The following ZNF407 variants were observed in gnomAD, a reference collection of about 807,000 sequenced individuals.
ZNF407 encodes zinc finger protein 407.
In ZNF407, 17 loss-of-function variants were observed where a neutral mutation model predicts 131.2. The observed-to-expected ratio is 0.13, with a 90% CI of 0.09 to 0.19. The LOEUF is 0.19. Ranked by LOEUF, ZNF407 falls within the 10% of genes least tolerant of loss-of-function variation. The pLI, the probability that ZNF407 is intolerant of heterozygous loss-of-function variation, is 1.00. For missense variants in ZNF407, 2,681 were observed against 2,830.6 expected (o/e 0.95, Z 1.20); for synonymous variants, 1,156 against 1,062.0 (o/e 1.09, Z -1.72).
chr18:74,685,578 T>G (rs1011056332), intron 3 of ZNF407, among the ~76,000 whole-genome samples: 1 of 152,206 alleles, frequency 6.6e-6, no homozygotes, highest in South Asian at 2.1e-4. Flanking sequence ...AGGCCCTCCA[T>G]GACCTGATGC....
chr18:75,034,293 G>T (rs1226708335), intron 8 of ZNF407, among the ~76,000 whole-genome samples: 1 of 141,092 alleles, frequency 7.1e-6, no homozygotes, highest in African/African-American at 2.6e-5. Flanking sequence ...TCTTTTCTCT[G>T]TGTTGGGTTT....
chr18:74,638,021 C>G (rs761962096), intron 2 of ZNF407, among the ~76,000 whole-genome samples: 1 of 152,228 alleles, frequency 6.6e-6, no homozygotes, highest in Admixed American at 6.5e-5. Flanking sequence ...TTTCATTTCT[C>G]CCGCATTGGT....
chr18:74,786,874 C>T (rs537509238), intron 4 of ZNF407, among the ~76,000 whole-genome samples: 3 of 119,582 alleles, frequency 2.5e-5, no homozygotes, highest in African/African-American at 6.3e-5. Context: ...GGTGTGATCT[C>T]GGCTCACTGT....
At chr18:74,892,144 A>G (rs1464544594) in intron 7 of ZNF407, among the ~76,000 whole-genome samples, 1 of 152,166 alleles carries the variant, frequency 6.6e-6, no homozygotes, top group Non-Finnish European at 1.5e-5. Context: ...AAATAGCACA[A>G]GACTGTTTTG....
intron 8 of ZNF407, among the ~76,000 whole-genome samples, chr18:74,926,910 C>T (rs922052977): frequency 6.6e-5 from 10 of 152,190 alleles, no homozygotes; most frequent in Admixed American, 3.3e-4. Context: ...CTGCCTAACA[C>T]CGTGGAGCAG....
chr18:74,990,230 A>G (rs767921978), intron 8 of ZNF407, among the ~76,000 whole-genome samples: 6 of 152,210 alleles, frequency 3.9e-5, no homozygotes, highest in Non-Finnish European at 5.9e-5. Flanking sequence ...GCAGATGTCA[A>G]TTAGTTCCTT....
At chr18:74,799,342 A>G (rs1215580237) in intron 4 of ZNF407, among the ~76,000 whole-genome samples, 2 of 152,134 alleles carry the variant, frequency 1.3e-5, no homozygotes, top group African/African-American at 4.8e-5. Context: ...GGGCATAGGA[A>G]AACCTTCCAT....
rs75440254 is a variant in ZNF407 at position 75,051,619 on chromosome 18, G to C, written c.5429-11531G>C. On this transcript the variant is annotated intron_variant, in intron 8 of 8. Transcript: ENST00000299687. ...TCAGGGTTCTAGAGAAGAGAGAATT[G>C]ATATGCAATGGAATCTCTGAACCTT... Among the ~76,000 whole-genome samples the C allele has an allele frequency of 8.3e-3, 1,258 of 152,302 alleles. 65 individuals are homozygous for C. The East Asian group carries it at 0.13, about 16-fold the overall frequency.
At chr18:74,666,218 G>C (rs1172280843) in intron 3 of ZNF407, among the ~76,000 whole-genome samples, 1 of 152,172 alleles carries the variant, frequency 6.6e-6, no homozygotes, top group Non-Finnish European at 1.5e-5. Context: ...GCTACCATCA[G>C]CTTGCAGATT....
intron 8 of ZNF407, among the ~76,000 whole-genome samples, chr18:74,992,492 C>T (rs1246594543): frequency 2.0e-5 from 3 of 152,158 alleles, no homozygotes; most frequent in East Asian, 1.9e-4. Flanking sequence ...GCAAAGTGAA[C>T]TGAAACATCA....
At chr18:74,903,277 G>A (rs1971553424) in intron 7 of ZNF407, among the ~76,000 whole-genome samples, 1 of 152,092 alleles carries the variant, frequency 6.6e-6, no homozygotes, top group Non-Finnish European at 1.5e-5. Context: ...AATTTGAAAA[G>A]CTTTCAACTA....
intron 3 of ZNF407, among the ~76,000 whole-genome samples, chr18:74,729,784 A>G (rs1968250213): frequency 6.6e-6 from 1 of 152,172 alleles, no homozygotes; most frequent in African/African-American, 2.4e-5. Flanking sequence ...AGGGGAATGG[A>G]AAAATATTTT....
In ZNF407 at chr18:74,617,099, A is replaced by G. The variant is rs1983341710; in HGVS notation, c.-53-13868A>G. ...CACACATCCATATCCATGCACCAACACATCCATATCCACACACCACACACA... is the reference window on the plus strand; with the variant it reads ...CACACATCCATATCCATGCACCAACGCATCCATATCCACACACCACACACA... On this transcript the variant is annotated intron_variant, in intron 1 of 8. Coordinates refer to ENST00000299687, the MANE Select transcript of ZNF407 (RefSeq NM_017757.3). Among the ~76,000 whole-genome samples, 10 of 138,038 alleles carry G rather than the reference A, an allele frequency of 7.2e-5. 1 individual carries two copies. Among genetic ancestry groups the G allele is most frequent in the Non-Finnish European group, 1.4e-4 (9 of 65,262 alleles). The allele number at this position is 138,038 out of a possible 152,430, so 90.6% of individuals were successfully genotyped here. A position where few individuals can be genotyped will look rare whatever the true frequency, so the allele number is the denominator to read the frequency against.
chr18:74,613,880 A>G (rs555487940), intron 1 of ZNF407, among the ~76,000 whole-genome samples: 1 of 152,230 alleles, frequency 6.6e-6, no homozygotes, highest in Non-Finnish European at 1.5e-5. Context: ...ATTGTTTAAC[A>G]TAGTTGGAGT....
intron 8 of ZNF407, among the ~76,000 whole-genome samples, chr18:74,942,478 C>T (rs930048769): frequency 6.6e-6 from 1 of 152,216 alleles, no homozygotes; most frequent in African/African-American, 2.4e-5. Context: ...GCGAATCAAG[C>T]ATGACTGGAG....
intron 3 of ZNF407, among the ~76,000 whole-genome samples, chr18:74,717,824 G>A (rs1314584006): frequency 1.3e-5 from 2 of 152,180 alleles, no homozygotes; most frequent in Non-Finnish European, 2.9e-5. Context: ...CCAAACATCT[G>A]AAATTTGGAA....
chr18:74,803,602 TTC>T (rs1265191891), intron 4 of ZNF407, among the ~76,000 whole-genome samples: 1 of 152,240 alleles, frequency 6.6e-6, no homozygotes, highest in Non-Finnish European at 1.5e-5. Flanking sequence ...ATTATGTTAT[TTC>T]TCTGATATCT....
At chr18:74,676,730 G>T (rs193259334) in intron 3 of ZNF407, among the ~76,000 whole-genome samples, 2 of 152,128 alleles carry the variant, frequency 1.3e-5, no homozygotes, top group Non-Finnish European at 2.9e-5. Context: ...CACTGTGCCC[G>T]GCCAGTATTT....
intron 8 of ZNF407, among the ~76,000 whole-genome samples, chr18:74,930,708 A>T (rs970018666): frequency 6.6e-6 from 1 of 151,950 alleles, no homozygotes; most frequent in African/African-American, 2.4e-5. Flanking sequence ...TACTGAAAGC[A>T]CTCCTGCCTT....
Sources: allele counts gnomAD v4.1 joint callset (sites outside exome capture counted in the v4.1 genomes callset), GRCh38; gene constraint gnomAD v4.1.1; transcripts MANE v1.5; gene names NCBI Gene and HGNC (gene_info 2026-07-23, HGNC 2026-07-21).